Variants in SLC24A2 observed in about 807,000 individuals in gnomAD.
SLC24A2 encodes sodium/potassium/calcium exchanger 2.
A neutral mutation model predicts 62.0 loss-of-function variants in SLC24A2; 36 were observed. The ratio of observed to expected loss-of-function variants is 0.58; its 90% CI spans 0.44 to 0.77. The LOEUF (loss-of-function observed/expected upper bound fraction) is 0.77. Among genes scored for constraint, SLC24A2 ranks in the 30% least tolerant of loss-of-function variants. The pLI is 0.00. For synonymous variants in SLC24A2, 358 were observed against 294.0 expected, an observed-to-expected ratio of 1.22 and a Z score of -2.23; for missense variants, 846 against 817.9, an observed-to-expected ratio of 1.03 and a Z score of -0.42.
At chr9:20,213,018 C>T in the SLC24A2 span, among the ~76,000 whole-genome samples, 8 of 151,634 alleles carry the variant, frequency 5.3e-5, no homozygotes, top group South Asian at 6.2e-4. Flanking sequence ...TGAGGCCTGA[C>T]GGAGGGTGTG....
intron 5 of SLC24A2, among the ~76,000 whole-genome samples, chr9:19,584,408 T>C (rs944449864): frequency 6.6e-6 from 1 of 152,178 alleles, no homozygotes; most frequent in African/African-American, 2.4e-5. Flanking sequence ...GTCCATAGCC[T>C]GAAGTGAGGA....
At chr9:20,222,800 C>G in the SLC24A2 span, among the ~76,000 whole-genome samples, 1 of 152,116 alleles carries the variant, frequency 6.6e-6, no homozygotes, top group Non-Finnish European at 1.5e-5. Context: ...TCGCTGCCAA[C>G]TAGAATTATA....
chr9:19,670,573 C>T (rs1479008224), intron 2 of SLC24A2, among the ~76,000 whole-genome samples: 1 of 152,012 alleles, frequency 6.6e-6, no homozygotes, highest in African/African-American at 2.4e-5. Context: ...ATTATTATTC[C>T]CATTTTACAG....
At chr9:19,999,429 C>T in the SLC24A2 span, among the ~76,000 whole-genome samples, 8 of 152,148 alleles carry the variant, frequency 5.3e-5, no homozygotes, top group Non-Finnish European at 1.0e-4. Flanking sequence ...TCTAGAAAAG[C>T]ACAGAGAATT....
At chr9:20,003,710 T>C in the SLC24A2 span, among the ~76,000 whole-genome samples, 1 of 152,162 alleles carries the variant, frequency 6.6e-6, no homozygotes, top group Non-Finnish European at 1.5e-5. Flanking sequence ...GCTCTGCTGT[T>C]GTAGCATGAA....
chr9:20,098,938 G>C, the SLC24A2 span, among the ~76,000 whole-genome samples: 1 of 152,158 alleles, frequency 6.6e-6, no homozygotes, highest in Non-Finnish European at 1.5e-5. Flanking sequence ...TCCTTTCAAA[G>C]TATTGATTTA....
chr9:19,691,376 TGAAGA>T (rs998409386), intron 2 of SLC24A2, among the ~76,000 whole-genome samples: 2 of 152,116 alleles, frequency 1.3e-5, no homozygotes, highest in African/African-American at 4.8e-5. Flanking sequence ...AAAAGAGATG[TGAAGA>T]GAAGAGGCTA....
the SLC24A2 span, among the ~76,000 whole-genome samples, chr9:20,169,594 G>C: frequency 1.3e-5 from 2 of 151,988 alleles, no homozygotes; most frequent in African/African-American, 4.8e-5. Flanking sequence ...AATCACTGTA[G>C]CTTGGCTCCC....
At chr9:20,084,832 G>GA in the SLC24A2 span, among the ~76,000 whole-genome samples, 6 of 151,806 alleles carry the variant, frequency 4.0e-5, no homozygotes, top group African/African-American at 9.7e-5. Flanking sequence ...TTTTGAAAAA[G>GA]AAAAAAAATT....
At chr9:20,167,686 T>C in the SLC24A2 span, among the ~76,000 whole-genome samples, 1 of 151,936 alleles carries the variant, frequency 6.6e-6, no homozygotes, top group African/African-American at 2.4e-5. Flanking sequence ...CCAATAAGTA[T>C]GTGTAAGAAA....
At chr9:19,578,518 C>T (rs536543350) in intron 5 of SLC24A2, among the ~76,000 whole-genome samples, 1 of 148,728 alleles carries the variant, frequency 6.7e-6, no homozygotes, top group African/African-American at 2.5e-5. Context: ...ATGAGTATCT[C>T]AAAACACCAC....
At chr9:20,290,486 C>T in the SLC24A2 span, among the ~76,000 whole-genome samples, 1 of 152,260 alleles carries the variant, frequency 6.6e-6, no homozygotes, top group African/African-American at 2.4e-5. Flanking sequence ...CTGATATCCA[C>T]ATGCCTTTGG....
chr9:19,521,191 G>C (rs1339036917), intron 9 of SLC24A2, 131 bp from the exon 10 acceptor site: 1 of 822,756 alleles, frequency 1.2e-6, no homozygotes, highest in South Asian at 1.5e-5. Context: ...AGATGATAAA[G>C]ATGAATAAGC....
intron 2 of SLC24A2, among the ~76,000 whole-genome samples, chr9:19,734,601 C>T (rs1821446839): frequency 1.3e-5 from 2 of 152,166 alleles, no homozygotes; most frequent in South Asian, 4.1e-4. Flanking sequence ...AGGTCCTTCA[C>T]ATCCCTTGTA....
chr9:20,306,112 G>A, the SLC24A2 span, among the ~76,000 whole-genome samples: 1 of 152,266 alleles, frequency 6.6e-6, no homozygotes, highest in South Asian at 2.1e-4. Flanking sequence ...AGACTTCAAT[G>A]TATGAATTGG....
At chr9:19,999,216 C>T in the SLC24A2 span, among the ~76,000 whole-genome samples, 1 of 152,350 alleles carries the variant, frequency 6.6e-6, no homozygotes, top group East Asian at 1.9e-4. Context: ...GCCTCCCTGG[C>T]TGGAAGCCTG....
chr9:19,913,261 A>G, the SLC24A2 span, among the ~76,000 whole-genome samples: 2 of 152,258 alleles, frequency 1.3e-5, no homozygotes, highest in Admixed American at 6.5e-5. Context: ...CTGCAGGCTT[A>G]TACCAGAGAT....
upstream of SLC24A2, among the ~76,000 whole-genome samples, chr9:19,791,187 G>C (rs1029325869): frequency 1.3e-5 from 2 of 152,172 alleles, no homozygotes; most frequent in African/African-American, 2.4e-5. Context: ...TTAATGTATG[G>C]CTTTATCCTC....
At chr9:20,084,427 C>G in the SLC24A2 span, among the ~76,000 whole-genome samples, 1 of 151,708 alleles carries the variant, frequency 6.6e-6, no homozygotes, top group Non-Finnish European at 1.5e-5. Flanking sequence ...TCAGAATTCC[C>G]CTCCTTTCTT....
Sources: gnomAD v4.1 joint callset for allele counts (sites outside exome capture counted in the v4.1 genomes callset) on GRCh38, gnomAD v4.1.1 for gene constraint, MANE v1.5 for transcripts, NCBI Gene and HGNC (gene_info 2026-07-23, HGNC 2026-07-21) for gene names.